EPHA5: variants seen among roughly 807,000 people sequenced by gnomAD.
EPHA5 encodes the protein ephrin type-A receptor 5.
EPHA5 carries 60 observed loss-of-function variants against 105.0 expected under a neutral mutation model. The ratio of observed to expected loss-of-function variants is 0.57; its 90% CI spans 0.46 to 0.71. The LOEUF (loss-of-function observed/expected upper bound fraction) is 0.71, where lower values mean the gene tolerates loss of function less well. Among genes scored for constraint, EPHA5 ranks in the 30% least tolerant of loss-of-function variants. The pLI, the probability that EPHA5 is intolerant of heterozygous loss-of-function variation, is 0.00. For missense variants in EPHA5, 1,218 were observed against 1,274.7 expected (o/e 0.96, Z 0.68); for synonymous variants, 513 against 449.1 (o/e 1.14, Z -1.80).
chr4:65,578,640 T>C (rs1741304678), intron 3 of EPHA5, among the ~76,000 whole-genome samples: 1 of 152,190 alleles, frequency 6.6e-6, no homozygotes, highest in Non-Finnish European at 1.5e-5. Context: ...CTTTAATTTT[T>C]GCAATTAAAA....
intron 3 of EPHA5, among the ~76,000 whole-genome samples, chr4:65,593,392 A>C (rs941066244): frequency 1.3e-5 from 2 of 152,156 alleles, no homozygotes; most frequent in Non-Finnish European, 2.9e-5. Context: ...GTCCTAATTT[A>C]TCTGTACCTA....
intron 15 of EPHA5, among the ~76,000 whole-genome samples, chr4:65,333,893 A>G (rs1720927544): frequency 6.6e-6 from 1 of 151,632 alleles, no homozygotes; most frequent in Non-Finnish European, 1.5e-5. Context: ...TCTGCCCATT[A>G]TATAGTATGA....
At chr4:65,573,003 C>T (rs1740364703) in intron 3 of EPHA5, among the ~76,000 whole-genome samples, 1 of 151,864 alleles carries the variant, frequency 6.6e-6, no homozygotes, top group African/African-American at 2.4e-5. Flanking sequence ...TGCACTCAAG[C>T]CCGGGCAACA....
rs748078433 is a variant in EPHA5 at position 65,431,173 on chromosome 4, G to T, written c.1403-10608C>A. Among the ~76,000 whole-genome samples, 6 of 152,024 alleles carry T rather than the reference G, an allele frequency of 3.9e-5. No homozygotes were observed. The East Asian group carries it at 1.2e-3, about 29-fold the overall frequency. On this transcript the variant is annotated intron_variant, in intron 5 of 16. Coordinates refer to ENST00000613740, the MANE Select transcript of EPHA5 (RefSeq NM_001281766.3). ...GGTACACACAAAATGACTGCTCTCC[G>T]CATGCTGCACCATAGATAAGATGAA...
intron 7 of EPHA5, among the ~76,000 whole-genome samples, chr4:65,413,329 C>G (rs927793168): frequency 3.3e-5 from 5 of 151,942 alleles, no homozygotes; most frequent in Non-Finnish European, 5.9e-5. Context: ...ATTTAGAAAG[C>G]TATTTTAAAG....
intron 3 of EPHA5, among the ~76,000 whole-genome samples, chr4:65,514,730 C>T (rs1733937377): frequency 1.3e-5 from 2 of 152,082 alleles, no homozygotes; most frequent in African/African-American, 4.8e-5. Context: ...CTAAAATGCT[C>T]GTCATCAAAT....
chr4:65,635,711 T>G lies in EPHA5; in HGVS notation c.246+7652A>C, dbSNP rs190141568. 2.1e-3 allele frequency among the ~76,000 whole-genome samples: 322 copies of G among 152,272 alleles called. 5 individuals carry two copies. The highest frequency in any genetic ancestry group is 1.2e-3 in the East Asian group (6 of 5,190). ...AAGAATAAGCCTTGAAAACACTTGA[T>G]AAAAATTTCCAGGGAAAGATTATGT... On this transcript the variant is annotated intron_variant, in intron 2 of 16. Coordinates refer to ENST00000613740, the MANE Select transcript of EPHA5 (RefSeq NM_001281766.3).
At chr4:65,344,877 C>T (rs1299786233) in intron 14 of EPHA5, among the ~76,000 whole-genome samples, 1 of 151,948 alleles carries the variant, frequency 6.6e-6, no homozygotes, top group Non-Finnish European at 1.5e-5. Flanking sequence ...AAGCTGATGT[C>T]GGACTATTGG....
chr4:65,503,271 GA>G (rs1732673206), intron 3 of EPHA5, among the ~76,000 whole-genome samples: 1 of 151,686 alleles, frequency 6.6e-6, no homozygotes, highest in Admixed American at 6.6e-5. Context: ...CTGAATCTAA[GA>G]GACAATTTGA....
intron 5 of EPHA5, among the ~76,000 whole-genome samples, chr4:65,482,639 G>A (rs1283558072): frequency 6.6e-6 from 1 of 151,936 alleles, no homozygotes; most frequent in East Asian, 1.9e-4. Context: ...TCAAGGTCTG[G>A]GAAGAAAAAA....
intron 3 of EPHA5, among the ~76,000 whole-genome samples, chr4:65,570,158 T>C (rs1011933487): frequency 6.6e-6 from 1 of 151,748 alleles, no homozygotes; most frequent in African/African-American, 2.4e-5. Context: ...ATATTCTTCA[T>C]TCCTAAAAAG....
chr4:65,624,882 C>T (rs961129522), intron 2 of EPHA5, among the ~76,000 whole-genome samples: 5 of 152,160 alleles, frequency 3.3e-5, no homozygotes, highest in African/African-American at 9.7e-5. Context: ...TTGTGCCTAA[C>T]TCTTGAAATA....
intron 5 of EPHA5, among the ~76,000 whole-genome samples, chr4:65,441,639 A>G (rs1223473566): frequency 6.6e-6 from 1 of 152,162 alleles, no homozygotes; most frequent in Admixed American, 6.6e-5. Context: ...TATCCATTCT[A>G]TGGAATGCAC....
intron 5 of EPHA5, among the ~76,000 whole-genome samples, chr4:65,470,339 G>C (rs527494268): frequency 4.4e-4 from 67 of 151,998 alleles, no homozygotes; most frequent in African/African-American, 1.5e-3. Context: ...TTACAGGTGT[G>C]TGCCACCATG....
chr4:65,531,018 T>A (rs1735727749), intron 3 of EPHA5, among the ~76,000 whole-genome samples: 1 of 135,064 alleles, frequency 7.4e-6, no homozygotes, highest in African/African-American at 2.7e-5. Context: ...TTTTTTTATT[T>A]TTTTTATTTT....
At chr4:65,653,730 AAAAATAAAAGAAATAATGT>A (rs1202635930) in intron 1 of EPHA5, among the ~76,000 whole-genome samples, 1 of 152,144 alleles carries the variant, frequency 6.6e-6, no homozygotes, top group Non-Finnish European at 1.5e-5. Context: ...AAAGAAAATA[AAAAATAAAAGAAATAATGT>A]AAAATAAAAG....
At chr4:65,367,527 T>C in intron 8 of EPHA5, 103 bp from the exon 9 acceptor site, 1 of 1,010,798 alleles carries the variant, frequency 9.9e-7, no homozygotes, top group South Asian at 1.3e-5. Context: ...AACCCTAAAC[T>C]GATTTTCATA....
intron 5 of EPHA5, among the ~76,000 whole-genome samples, chr4:65,460,791 T>A (rs558816277): frequency 1.3e-5 from 2 of 151,922 alleles, no homozygotes; most frequent in South Asian, 4.1e-4. Flanking sequence ...TTTGTATGTG[T>A]GTTGGTATAT....
At chr4:65,437,264 A>G (rs1725566124) in intron 5 of EPHA5, among the ~76,000 whole-genome samples, 1 of 152,004 alleles carries the variant, frequency 6.6e-6, no homozygotes, top group South Asian at 2.1e-4. Flanking sequence ...TACTGAGTTT[A>G]TAAGTTTCAC....
Sources: allele counts gnomAD v4.1 joint callset (sites outside exome capture counted in the v4.1 genomes callset), GRCh38; gene constraint gnomAD v4.1.1; transcripts MANE v1.5; gene names NCBI Gene and HGNC (gene_info 2026-07-23, HGNC 2026-07-21).